MEIS2: variants seen among roughly 807,000 people sequenced by gnomAD.
The protein encoded by MEIS2 is homeobox protein Meis2.
Under a neutral mutation model 58.6 loss-of-function variants are expected in MEIS2, and 9 were observed. The ratio of observed to expected loss-of-function variants is 0.15; its 90% CI spans 0.09 to 0.27. The LOEUF (loss-of-function observed/expected upper bound fraction) is 0.27, where lower values mean the gene tolerates loss of function less well. Among genes scored for constraint, MEIS2 ranks in the 10% least tolerant of loss-of-function variants. MEIS2 has a pLI of 1.00. For synonymous variants in MEIS2, 221 were observed against 228.4 expected, an observed-to-expected ratio of 0.97 and a Z score of 0.29; for missense variants, 427 against 635.0, an observed-to-expected ratio of 0.67 and a Z score of 3.52.
intron 8 of MEIS2, among the ~76,000 whole-genome samples, chr15:37,000,783 T>C (rs2060694571): frequency 6.6e-6 from 1 of 152,176 alleles, no homozygotes; most frequent in Admixed American, 6.6e-5. Flanking sequence ...TGCATGAGCA[T>C]ACCGTATTCT....
chr15:36,897,770 T>A (rs570600627), intron 9 of MEIS2: 1 of 152,250 alleles, frequency 6.6e-6, no homozygotes, highest in Non-Finnish European at 1.5e-5. Context: ...ATATACCCAT[T>A]GATAACATCT....
chr15:37,029,189 T>TTAAAAAAG (rs1373403885), intron 8 of MEIS2, among the ~76,000 whole-genome samples: 6 of 152,296 alleles, frequency 3.9e-5, no homozygotes, highest in African/African-American at 1.2e-4. Context: ...CCCACTATGC[T>TTAAAAAAG]GCATGTTTGT....
At position 37,035,945 on chromosome 15, in the gene MEIS2, G is replaced by C. The variant is rs555246842; in HGVS notation, c.900+869C>G. On this transcript the variant is annotated intron_variant, in intron 8 of 11. Transcript: ENST00000561208. The stretch of plus-strand genomic sequence containing the variant: ...CTATTTTTAAGTATTAGCCTAAATA[G>C]AATGGCCTGAAAACAATATTATAGC... 5.8e-4 allele frequency among the ~76,000 whole-genome samples: 89 copies of C among 152,300 alleles called. 1 individual carries two copies. The highest frequency in any genetic ancestry group is 1.2e-3 in the Admixed American group (18 of 15,298).
intron 8 of MEIS2, among the ~76,000 whole-genome samples, chr15:37,000,088 A>T (rs529562638): frequency 6.6e-6 from 1 of 152,330 alleles, no homozygotes; most frequent in Admixed American, 6.5e-5. Context: ...GGAGAAAACA[A>T]AAGAGCAAAT....
intron 8 of MEIS2, among the ~76,000 whole-genome samples, chr15:36,987,812 G>A (rs1414427177): frequency 6.6e-6 from 1 of 150,632 alleles, no homozygotes; most frequent in Non-Finnish European, 1.5e-5. Flanking sequence ...ACTTGATTCA[G>A]TCACCAAACT....
In MEIS2 at chr15:37,029,895, G is replaced by C. The variant is rs1222361694; in HGVS notation, c.900+6919C>G. ...AACCATTACCATGGCCAAGTGCTGT[G>C]GTTCACACCCATAATCCCAGCACTC... On this transcript the variant is annotated intron_variant, in intron 8 of 11. Coordinates refer to ENST00000561208, the MANE Select transcript of MEIS2 (RefSeq NM_170675.5). Among the ~76,000 whole-genome samples the C allele has an allele frequency of 5.3e-5, 8 of 152,272 alleles. No individual in the cohort carries two copies. In the South Asian group the frequency reaches 8.3e-4, roughly 16 times the overall value.
chr15:37,078,890 C>A (rs1430615482), intron 7 of MEIS2, among the ~76,000 whole-genome samples: 2 of 152,004 alleles, frequency 1.3e-5, no homozygotes, highest in Admixed American at 6.6e-5. Flanking sequence ...AATCCCAAAT[C>A]TGGGTTTCTC....
At chr15:37,044,353 C>T (rs568858326) in intron 7 of MEIS2, among the ~76,000 whole-genome samples, 49 of 152,304 alleles carry the variant, frequency 3.2e-4, no homozygotes, top group Non-Finnish European at 5.7e-4. Flanking sequence ...TGACAGTACA[C>T]TTAAAATTAA....
At chr15:36,903,072 C>T (rs1253335641) in intron 9 of MEIS2, among the ~76,000 whole-genome samples, 1 of 152,010 alleles carries the variant, frequency 6.6e-6, no homozygotes, top group Non-Finnish European at 1.5e-5. Context: ...CTGTAGGGAC[C>T]TTTTAATTAA....
intron 8 of MEIS2, among the ~76,000 whole-genome samples, chr15:36,986,263 T>C (rs577612960): frequency 6.6e-6 from 1 of 152,350 alleles, no homozygotes; most frequent in East Asian, 1.9e-4. Context: ...TTAGCCTTTA[T>C]TTAGCCAAAG....
chr15:37,036,657 G>T, intron 8 of MEIS2, 157 bp downstream of exon 8: 2 of 744,008 alleles, frequency 2.7e-6, no homozygotes, highest in Non-Finnish European at 4.1e-6. Flanking sequence ...GATGGTAATA[G>T]TTGATGAAAA....
chr15:37,087,286 T>G (rs1197551487), intron 6 of MEIS2, among the ~76,000 whole-genome samples: 1 of 152,156 alleles, frequency 6.6e-6, no homozygotes, highest in Non-Finnish European at 1.5e-5. Flanking sequence ...GTACTCTTCT[T>G]GCTCTTACGT....
At chr15:36,966,053 G>T (rs1246584465) in intron 8 of MEIS2, among the ~76,000 whole-genome samples, 2 of 152,146 alleles carry the variant, frequency 1.3e-5, no homozygotes, top group Non-Finnish European at 2.9e-5. Flanking sequence ...ATCAAGCCAG[G>T]CTAATTTCAA....
intron 7 of MEIS2, among the ~76,000 whole-genome samples, chr15:37,072,895 C>G (rs1341896272): frequency 6.6e-6 from 1 of 151,882 alleles, no homozygotes; most frequent in African/African-American, 2.4e-5. Flanking sequence ...ATGTTTCAGA[C>G]AGAAGTAATC....
At chr15:36,954,225 A>T (rs1036217530) in intron 8 of MEIS2, among the ~76,000 whole-genome samples, 1 of 151,892 alleles carries the variant, frequency 6.6e-6, no homozygotes, top group African/African-American at 2.4e-5. Context: ...GAGTAAAAAA[A>T]GCAAGTTGTA....
intron 9 of MEIS2, among the ~76,000 whole-genome samples, chr15:36,930,200 C>T (rs1392457005): frequency 2.2e-5 from 2 of 91,652 alleles, no homozygotes; most frequent in Non-Finnish European, 3.8e-5. Context: ...GAGACTCAGT[C>T]TTAAAAAAAA....
intron 8 of MEIS2, among the ~76,000 whole-genome samples, chr15:37,017,525 C>T (rs1268800488): frequency 2.0e-5 from 3 of 152,122 alleles, no homozygotes; most frequent in African/African-American, 4.8e-5. Context: ...GTGCAAAGAT[C>T]GCTTGAGCCC....
chr15:37,011,295 T>C (rs1002872553), intron 8 of MEIS2, among the ~76,000 whole-genome samples: 5 of 152,258 alleles, frequency 3.3e-5, no homozygotes. Context: ...CCTTCAATGA[T>C]GACCAATTTC....
intron 9 of MEIS2, among the ~76,000 whole-genome samples, chr15:36,940,198 C>T (rs559402741): frequency 1.3e-5 from 2 of 152,106 alleles, no homozygotes; most frequent in Admixed American, 1.3e-4. Context: ...CTATCTGAGC[C>T]TAATGTAACC....
Sources: gnomAD v4.1 joint callset for allele counts (sites outside exome capture counted in the v4.1 genomes callset) on GRCh38, gnomAD v4.1.1 for gene constraint, MANE v1.5 for transcripts, NCBI Gene and HGNC (gene_info 2026-07-23, HGNC 2026-07-21) for gene names.